Variants in NRDC observed in about 807,000 individuals in gnomAD.
NRDC encodes the protein nardilysin convertase, also known as nardilysin.
NRDC carries 54 observed loss-of-function variants against 147.1 expected under a neutral mutation model. That is an observed-to-expected ratio of 0.37 (90% CI 0.29 to 0.46). The LOEUF is 0.46. Among genes scored for constraint, NRDC ranks in the 20% least tolerant of loss-of-function variants. NRDC has a pLI of 1.00. For missense variants in NRDC, 1,082 were observed against 1,370.6 expected, an observed-to-expected ratio of 0.79 and a Z score of 3.33; for synonymous variants, 440 against 482.1, an observed-to-expected ratio of 0.91 and a Z score of 1.14.
chr1:51,846,446 T>G (rs1681593230), intron 1 of NRDC, among the ~76,000 whole-genome samples: 1 of 152,218 alleles, frequency 6.6e-6, no homozygotes, highest in Non-Finnish European at 1.5e-5. Context: ...ATTTTCACTC[T>G]TTTTGTGTCT....
rs76418068 is a variant in NRDC, at chr1:51,810,982, A to G, written c.1780-578T>C. On this transcript the variant is annotated intron_variant, in intron 15 of 30. Coordinates refer to ENST00000352171, the MANE Select transcript of NRDC (RefSeq NM_001101662.2). ...CAGGAATCAGTAAAACACTGCCAAG[A>G]TAGGGCCTCCTTCAGTAATCCTCCA... Among the ~76,000 whole-genome samples the G allele has an allele frequency of 8.1e-3, 1,239 of 152,312 alleles. 17 individuals are homozygous for G. The highest frequency in any genetic ancestry group is 0.028 in the African/African-American group (1,171 of 41,566).
At chr1:51,848,336 A>AAATAG (rs1681759484) in intron 1 of NRDC, among the ~76,000 whole-genome samples, 1 of 151,896 alleles carries the variant, frequency 6.6e-6, no homozygotes, top group African/African-American at 2.4e-5. Flanking sequence ...AGAAAATTAG[A>AAATAG]CAGGCGTGGT....
intron 3 of NRDC, among the ~76,000 whole-genome samples, chr1:51,835,467 G>GT (rs951683379): frequency 0.095 from 10,925 of 114,586 alleles, 1,158 homozygotes; most frequent in African/African-American, 0.21. Context: ...TTTGTTTCTT[G>GT]TTTTTTTTTT....
intron 1 of NRDC, among the ~76,000 whole-genome samples, chr1:51,853,212 T>TCC (rs1682065296): frequency 6.7e-6 from 1 of 149,922 alleles, no homozygotes; most frequent in African/African-American, 2.5e-5. Context: ...AGGGAGACTG[T>TCC]CTCCAAAAAA....
intron 1 of NRDC, among the ~76,000 whole-genome samples, chr1:51,846,784 C>G (rs1681643858): frequency 6.6e-6 from 1 of 152,202 alleles, no homozygotes; most frequent in Non-Finnish European, 1.5e-5. Context: ...CTTATCTGGC[C>G]CCACCCACAT....
At chr1:51,802,210 T>C (rs1476104964) in intron 20 of NRDC, among the ~76,000 whole-genome samples, 2 of 152,178 alleles carry the variant, frequency 1.3e-5, no homozygotes, top group African/African-American at 2.4e-5. Context: ...TTGACTTGTG[T>C]TGTGGTGACT....
chr1:51,794,518 G>A lies in NRDC; in HGVS notation c.2729C>T (p.Ala910Val), dbSNP rs377054780. 1.9e-6 allele frequency: 3 copies of A among 1,614,174 alleles called. No individual in the cohort carries two copies. The highest frequency in any genetic ancestry group is 2.5e-6 in the Non-Finnish European group (3 of 1,180,036). Residue 910 changes from alanine (A) to valine (V), a missense_variant, in exon 24 of 31, where the codon GCT (alanine) becomes GTT (valine). Around this residue, in one of 3 missense-constraint regions of NRDC, gnomAD observed 635 missense variants for 923.8 expected, o/e 0.69. Coordinates refer to ENST00000352171, the MANE Select transcript of NRDC (RefSeq NM_001101662.2). ...PSGHHLCKVK[A>V]LNKGDANSEV... is the part of the protein sequence containing the mutation. Reference sequence around the variant, plus strand: ...AGAGTTGGCATCACCCTTGTTCAGAGCTTTCACTTTGCATAGATGGTGGCC... The same window carrying A: ...AGAGTTGGCATCACCCTTGTTCAGAACTTTCACTTTGCATAGATGGTGGCC...
At chr1:51,819,713 T>G (rs1468462158) in intron 9 of NRDC, 87 bp downstream of exon 9, 5 of 1,052,250 alleles carry the variant, frequency 4.8e-6, no homozygotes, top group Non-Finnish European at 7.1e-6. Context: ...TGTGTTCTCA[T>G]TTTCAATGAA....
intron 9 of NRDC, among the ~76,000 whole-genome samples, chr1:51,818,595 A>G (rs932191508): frequency 1.8e-4 from 28 of 152,212 alleles, no homozygotes; most frequent in Admixed American, 1.8e-3. Context: ...TTATTCTATG[A>G]AGAGGAAACC....
intron 27 of NRDC, among the ~76,000 whole-genome samples, chr1:51,791,302 C>T (rs1003889359): frequency 6.6e-6 from 1 of 152,184 alleles, no homozygotes; most frequent in Non-Finnish European, 1.5e-5. Flanking sequence ...ATCAGGCATC[C>T]TTTCCCTTCT....
At chr1:51,865,327 C>T (rs1335523450) in intron 1 of NRDC, among the ~76,000 whole-genome samples, 7 of 149,554 alleles carry the variant, frequency 4.7e-5, no homozygotes, top group Non-Finnish European at 8.9e-5. Flanking sequence ...TTTTTTGAGA[C>T]GGAGTCTCGC....
At chr1:51,828,532 T>C (rs1235942670) in intron 4 of NRDC, among the ~76,000 whole-genome samples, 1 of 152,112 alleles carries the variant, frequency 6.6e-6, no homozygotes, top group Non-Finnish European at 1.5e-5. Flanking sequence ...TTTCATCTGC[T>C]TTTTAAATTA....
rs201163267 is a variant in NRDC, at chr1:51,823,622, C to T, written c.1159+42G>A. ...TACAGGCAAACAAATCCTAAGAAAG[C>T]GCTACTTCAAGGTAACTCTAAGAGC... On this transcript the variant is annotated intron_variant, in intron 7 of 30. Coordinates refer to ENST00000352171, the MANE Select transcript of NRDC (RefSeq NM_001101662.2). 895 of 1,531,582 alleles carry T rather than the reference C, an allele frequency of 5.8e-4. 3 individuals are homozygous for T. In the African/African-American group the frequency reaches 5.9e-3, roughly 10 times the overall value. The allele number at this position is 1,531,582 out of a possible 1,614,324, so 94.9% of individuals were successfully genotyped here. A position where few individuals can be genotyped will look rare whatever the true frequency, so the allele number is the denominator to read the frequency against.
chr1:51,845,749 T>C (rs527543936), intron 1 of NRDC, among the ~76,000 whole-genome samples: 37 of 152,340 alleles, frequency 2.4e-4, no homozygotes, highest in African/African-American at 7.0e-4. Flanking sequence ...ATTTTCTGCC[T>C]GCACCATTAG....
At chr1:51,872,609 G>T (rs188889224) in intron 1 of NRDC, among the ~76,000 whole-genome samples, 248 of 152,200 alleles carry the variant, frequency 1.6e-3, no homozygotes, top group Non-Finnish European at 2.9e-3. Context: ...AGGCCAAGGT[G>T]GGGAGGATGG....
chr1:51,806,714 T>C, intron 18 of NRDC, 80 bp downstream of exon 18: 4 of 1,417,496 alleles, frequency 2.8e-6, no homozygotes, highest in South Asian at 2.6e-5. Context: ...AAATAGCAAG[T>C]AGATAATCAC....
chr1:51,806,099 A>G (rs764500485), intron 18 of NRDC, among the ~76,000 whole-genome samples: 5 of 152,180 alleles, frequency 3.3e-5, no homozygotes, highest in Admixed American at 6.5e-5. Flanking sequence ...TGTGGCTTCA[A>G]TAAGTTCCTT....
At chr1:51,795,131 T>C in intron 22 of NRDC, 1 of 1,404,014 alleles carries the variant, frequency 7.1e-7, no homozygotes, top group South Asian at 1.2e-5. Flanking sequence ...TTGTTCAGTG[T>C]TGGTTTACCC....
In NRDC at chr1:51,792,416, G is replaced by A. The variant is rs1437730967; in HGVS notation, c.2784C>T (p.Thr928=). 1.2e-6 allele frequency: 2 copies of A among 1,613,960 alleles called. No homozygotes were observed. Among genetic ancestry groups the A allele is most frequent in the East Asian group, 2.2e-5 (1 of 44,870 alleles). ...SEVTVYYQSG[T]RSLREYTLME... is the part of the protein sequence containing the mutation. ...TAAGCGTATATTCTCTTAGACTCCT[G>A]GTACCTGACTGAAAAGAGAAGGTTG... The change falls in exon 25 of 31, where the codon ACC becomes ACT. Residue 928 remains threonine, a synonymous_variant. Coordinates refer to ENST00000352171, the MANE Select transcript of NRDC (RefSeq NM_001101662.2).
Sources: gnomAD v4.1 joint callset for allele counts (sites outside exome capture counted in the v4.1 genomes callset) on GRCh38, gnomAD v4.1.1 for gene constraint, gnomAD v4.1.1 regional missense constraint, MANE v1.5 for transcripts, NCBI Gene and HGNC (gene_info 2026-07-23, HGNC 2026-07-21) for gene names.